The following STIP1 variants were observed in gnomAD, a reference collection of about 807,000 sequenced individuals.
The protein encoded by STIP1 is stress induced phosphoprotein 1, also known as stress-induced-phosphoprotein 1.
Under a neutral mutation model 77.4 loss-of-function variants are expected in STIP1, and 16 were observed. The observed-to-expected ratio is 0.21, with a 90% CI of 0.14 to 0.31. The LOEUF is 0.31. STIP1 is among the 10% of genes least tolerant of loss of function. STIP1 has a pLI of 1.00. For missense variants in STIP1, 524 were observed against 684.8 expected (o/e 0.77, Z 2.62); for synonymous variants, 258 against 246.6 (o/e 1.05, Z -0.44).
intron 13 of STIP1, 105 bp downstream of exon 13, chr11:64,203,727 A>T: frequency 7.0e-7 from 1 of 1,427,644 alleles, no homozygotes; most frequent in Non-Finnish European, 9.6e-7. Flanking sequence ...AGGAAGAGGA[A>T]TTCTGTCATT....
At chr11:64,192,246 G>A (rs1319663604) in intron 1 of STIP1, among the ~76,000 whole-genome samples, 2 of 152,248 alleles carry the variant, frequency 1.3e-5, no homozygotes, top group Admixed American at 6.5e-5. Flanking sequence ...CCTGGGAGGC[G>A]GAGGTTGCAG....
chr11:64,197,338 A>G lies in STIP1; in HGVS notation c.740A>G (p.His247Arg), dbSNP rs1946162067. 2.5e-6 allele frequency: 4 copies of G among 1,614,094 alleles called. No individual in the cohort carries two copies. The highest frequency in any genetic ancestry group is 2.5e-6 in the Non-Finnish European group (3 of 1,180,022). Residue 247 changes from histidine (H) to arginine (R), a missense_variant, in exon 6 of 14, where the codon CAT becomes CGT. Transcript: ENST00000305218. ...AAAGACTTTGACACAGCCTTGAAGC[A>G]TTACGACAAAGCCAAGGAGCTGGAC... ...KKKDFDTALK[H>R]YDKAKELDPT...
chr11:64,194,127 G>C (rs1946121542), intron 2 of STIP1, 62 bp from the exon 3 acceptor site: 1 of 1,557,756 alleles, frequency 6.4e-7, no homozygotes. Context: ...TCTTTTTTGA[G>C]TTCGTCTTCT....
At chr11:64,187,116 A>G (rs1448412192) in intron 1 of STIP1, among the ~76,000 whole-genome samples, 1 of 152,092 alleles carries the variant, frequency 6.6e-6, no homozygotes, top group African/African-American at 2.4e-5. Flanking sequence ...GCTGGAAGTT[A>G]TGGGCCTCTA....
intron 1 of STIP1, among the ~76,000 whole-genome samples, chr11:64,192,867 C>T (rs938738887): frequency 1.2e-4 from 18 of 152,222 alleles, no homozygotes; most frequent in African/African-American, 4.3e-4. Flanking sequence ...GCGTGGAGTG[C>T]AGCCTGGGCT....
chr11:64,193,191 C>G lies in STIP1; in HGVS notation c.123C>G (p.Tyr41Ter). ...IKLDPHNHVLYSNRSAAYAKK... is the reference protein window; with the variant it reads ...IKLDPHNHVL ...TGGATCCCCACAACCACGTGCTGTA[C>G]AGCAACCGTTCTGCTGCCTATGCCA... The change falls in exon 2 of 14, where the codon TAC (tyrosine) becomes TAG (stop). Residue 41 changes from tyrosine (Y) to a stop codon, truncating the protein, a stop_gained. Coordinates refer to ENST00000305218, the MANE Select transcript of STIP1 (RefSeq NM_006819.3). LOFTEE classifies it high-confidence loss of function. 1.2e-6 allele frequency: 2 copies of G among 1,614,212 alleles called. No individual in the cohort carries two copies. The highest frequency in any genetic ancestry group is 1.7e-6 in the Non-Finnish European group (2 of 1,180,046).
At chr11:64,188,596 C>T (rs911896880) in intron 1 of STIP1, among the ~76,000 whole-genome samples, 1 of 152,130 alleles carries the variant, frequency 6.6e-6, no homozygotes, top group Non-Finnish European at 1.5e-5. Flanking sequence ...AGGCTGGTCT[C>T]GAATTTCTAG....
Position 64,200,306 on chromosome 11 carries a change from G to A in STIP1, c.1245+13G>A, listed in dbSNP as rs1413212970. ...GCTGGCACTCAAGGTGACGAGACCT[G>A]TGGGGGCGGCCATTACTGAAAGCCT... On this transcript the variant is annotated intron_variant, in intron 10 of 13. Coordinates refer to ENST00000305218, the MANE Select transcript of STIP1 (RefSeq NM_006819.3). 6 of 1,599,300 alleles carry A rather than the reference G, an allele frequency of 3.8e-6. No individual in the cohort carries two copies. The highest frequency in any genetic ancestry group is 4.3e-6 in the Non-Finnish European group (5 of 1,174,500).
chr11:64,186,333 C>CG (rs1946016334), intron 1 of STIP1, 63 bp downstream of exon 1: 1 of 46,430 alleles, frequency 2.2e-5, no homozygotes, highest in South Asian at 2.2e-4. Context: ...GGCCAGGCCG[C>CG]GGTAGGGGGG....
At chr11:64,196,041 G>C (rs1198389437) in intron 5 of STIP1, among the ~76,000 whole-genome samples, 1 of 152,074 alleles carries the variant, frequency 6.6e-6, no homozygotes, top group Non-Finnish European at 1.5e-5. Context: ...AAACTATTTT[G>C]AGTGCTTTAG....
intron 4 of STIP1, 35 bp downstream of exon 4, chr11:64,194,655 C>A: frequency 6.2e-7 from 1 of 1,605,426 alleles, no homozygotes; most frequent in Non-Finnish European, 8.5e-7. Flanking sequence ...TTCTGGAAAT[C>A]GGGGAATGTT....
At chr11:64,200,590 CGTGTGTGTGT>C (rs35484605) in intron 10 of STIP1, among the ~76,000 whole-genome samples, 4,501 of 141,290 alleles carry the variant, frequency 0.032, 209 homozygotes, top group African/African-American at 0.1. Context: ...TCTAACTGGT[CGTGTGTGTGT>C]GTGTGTGTGT....
chr11:64,203,852 T>C (rs1210864222), intron 13 of STIP1: 1 of 769,352 alleles, frequency 1.3e-6, no homozygotes, highest in Non-Finnish European at 2.1e-6. Context: ...AGGTCTTGAC[T>C]GGAAGCTGTG....
Position 64,193,517 on chromosome 11 carries a change from C to T in STIP1, c.219+230C>T, listed in dbSNP as rs566653460. 14 of 521,158 alleles carry T rather than the reference C, an allele frequency of 2.7e-5. No individual in the cohort carries two copies. In the East Asian group the frequency reaches 3.8e-4, roughly 14 times the overall value. The allele number at this position is 521,158 out of a possible 1,614,324, so 32.3% of individuals were successfully genotyped here. A position where few individuals can be genotyped will look rare whatever the true frequency, so the allele number is the denominator to read the frequency against. ...AAGAGGCCAGGGCTGGGCGCGGTGA[C>T]GCACGCCTGTGATCCCAACACTTTG... On this transcript the variant is annotated intron_variant, in intron 2 of 13. Coordinates refer to ENST00000305218, the MANE Select transcript of STIP1 (RefSeq NM_006819.3).
chr11:64,195,098 CATTTTATTTT>C (rs200955950), intron 4 of STIP1, among the ~76,000 whole-genome samples: 253 of 152,102 alleles, frequency 1.7e-3, no homozygotes, highest in Non-Finnish European at 2.9e-3. Flanking sequence ...TCTGTGACTT[CATTTTATTTT>C]ATTTTATTTT....
chr11:64,193,871 C>G (rs12280435), intron 2 of STIP1, among the ~76,000 whole-genome samples: 1 of 151,894 alleles, frequency 6.6e-6, no homozygotes, highest in Non-Finnish European at 1.5e-5. Flanking sequence ...TTACTGGAGC[C>G]CAAAGGTTTG....
chr11:64,185,539 G>A (rs1156738095), upstream of STIP1: 1 of 456,624 alleles, frequency 2.2e-6, no homozygotes. Context: ...CCACCGGCTA[G>A]GACCCCCATC....
upstream of STIP1, chr11:64,185,695 G>A: frequency 3.1e-6 from 4 of 1,282,326 alleles, no homozygotes; most frequent in Non-Finnish European, 4.2e-6. Context: ...GACTGCAGCC[G>A]GTACTCCCAT....
chr11:64,186,765 C>T (rs550382516), intron 1 of STIP1, among the ~76,000 whole-genome samples: 27 of 152,326 alleles, frequency 1.8e-4, no homozygotes, highest in African/African-American at 6.0e-4. Flanking sequence ...CGGGGATACA[C>T]TGGGAGTAGC....
Sources: gnomAD v4.1 joint callset for allele counts (sites outside exome capture counted in the v4.1 genomes callset) on GRCh38, gnomAD v4.1.1 for gene constraint, MANE v1.5 for transcripts, NCBI Gene and HGNC (gene_info 2026-07-23, HGNC 2026-07-21) for gene names.